MACROD2: variants seen among roughly 807,000 people sequenced by gnomAD.
MACROD2 encodes the protein mono-ADP ribosylhydrolase 2.
In MACROD2, 36 loss-of-function variants were observed where a neutral mutation model predicts 70.4. The ratio of observed to expected loss-of-function variants is 0.51; its 90% CI spans 0.39 to 0.68. The LOEUF (loss-of-function observed/expected upper bound fraction) is 0.68. Among genes scored for constraint, MACROD2 ranks in the 30% least tolerant of loss-of-function variants. MACROD2 has a pLI of 0.00. For synonymous variants in MACROD2, 172 were observed against 178.8 expected (o/e 0.96, Z 0.30); for missense variants, 496 against 538.4 (o/e 0.92, Z 0.78).
chr20:15,711,311 G>T (rs1240443076), intron 8 of MACROD2, among the ~76,000 whole-genome samples: 1 of 152,172 alleles, frequency 6.6e-6, no homozygotes. Context: ...TTCTTATCTC[G>T]TGGTATGTTA....
At chr20:14,615,447 A>G (rs1983421168) in intron 4 of MACROD2, among the ~76,000 whole-genome samples, 1 of 152,138 alleles carries the variant, frequency 6.6e-6, no homozygotes, top group Non-Finnish European at 1.5e-5. Context: ...GGGGAGGATA[A>G]GAGTTAGGGT....
At chr20:14,181,424 A>T (rs1310899060) in intron 3 of MACROD2, among the ~76,000 whole-genome samples, 2 of 152,030 alleles carry the variant, frequency 1.3e-5, no homozygotes, top group East Asian at 3.9e-4. Flanking sequence ...ATGATGGGGA[A>T]CCATCATTTT....
intron 6 of MACROD2, among the ~76,000 whole-genome samples, chr20:15,284,091 TATA>T (rs924660449): frequency 9.2e-4 from 140 of 152,314 alleles, no homozygotes; most frequent in African/African-American, 3.1e-3. Context: ...TTTTCCTTGA[TATA>T]ATAAGTTATT....
At chr20:14,943,913 C>T (rs998968585) in intron 5 of MACROD2, among the ~76,000 whole-genome samples, 1 of 152,096 alleles carries the variant, frequency 6.6e-6, no homozygotes. Context: ...ACTTTTGTTA[C>T]AAGAGGATAT....
intron 9 of MACROD2, among the ~76,000 whole-genome samples, chr20:15,881,035 T>C (rs192359382): frequency 1.6e-4 from 24 of 152,242 alleles, no homozygotes; most frequent in Non-Finnish European, 3.1e-4. Flanking sequence ...TCTTCTCTGT[T>C]GTTTTGCTTT....
At chr20:15,960,808 T>G (rs191764871) in intron 12 of MACROD2, among the ~76,000 whole-genome samples, 105 of 152,230 alleles carry the variant, frequency 6.9e-4, no homozygotes, top group Non-Finnish European at 1.1e-3. Flanking sequence ...ACTGGCACCA[T>G]CGGCTCCAAC....
chr20:15,487,656 T>G (rs1408676665), intron 7 of MACROD2, among the ~76,000 whole-genome samples: 2 of 152,046 alleles, frequency 1.3e-5, no homozygotes, highest in South Asian at 2.1e-4. Flanking sequence ...GAACTCAGAA[T>G]AGAGTGTCAT....
intron 5 of MACROD2, among the ~76,000 whole-genome samples, chr20:14,724,049 A>G (rs2071500296): frequency 6.6e-6 from 1 of 152,188 alleles, no homozygotes; most frequent in Admixed American, 6.5e-5. Context: ...TCTACATAGC[A>G]TAAAAATTAA....
intron 4 of MACROD2, among the ~76,000 whole-genome samples, chr20:14,496,733 T>C (rs2084857426): frequency 6.7e-6 from 1 of 148,730 alleles, no homozygotes; most frequent in African/African-American, 2.6e-5. Flanking sequence ...CTTCTGTTCA[T>C]AGTTTCTAGA....
chr20:14,646,598 GTCTT>G (rs1415391956), intron 4 of MACROD2, among the ~76,000 whole-genome samples: 2 of 151,868 alleles, frequency 1.3e-5, no homozygotes, highest in East Asian at 1.9e-4. Flanking sequence ...AAAAAAATTG[GTCTT>G]TCTTCTGATA....
At chr20:14,669,737 C>T (rs1431744239) in intron 4 of MACROD2, among the ~76,000 whole-genome samples, 4 of 151,962 alleles carry the variant, frequency 2.6e-5, no homozygotes, top group South Asian at 2.1e-4. Flanking sequence ...TAAGTTGGTT[C>T]GTTTCTTATT....
chr20:15,724,811 G>T (rs1204077016), intron 8 of MACROD2, among the ~76,000 whole-genome samples: 1 of 152,052 alleles, frequency 6.6e-6, no homozygotes, highest in Non-Finnish European at 1.5e-5. Context: ...GGCCAGGCAC[G>T]GTGGCTCACA....
Position 15,118,261 on chromosome 20 carries a change from C to T in MACROD2, c.419-111679C>T, listed in dbSNP as rs536437985. Among the ~76,000 whole-genome samples, 13 of 146,996 alleles carry T rather than the reference C, an allele frequency of 8.8e-5. No homozygotes were observed. The East Asian group carries it at 2.0e-3, about 23-fold the overall frequency. On this transcript the variant is annotated intron_variant, in intron 5 of 17. Transcript: ENST00000684519. The stretch of plus-strand genomic sequence containing the variant: ...AGGCTGGAGTGCAGTGTTGTGATCT[C>T]GGCTCACTGCAACCTCCACCTACCA...
chr20:14,176,724 T>C (rs1224167510), intron 3 of MACROD2, among the ~76,000 whole-genome samples: 2 of 152,218 alleles, frequency 1.3e-5, no homozygotes, highest in Non-Finnish European at 2.9e-5. Flanking sequence ...AGAAATGTTA[T>C]GCTCTTCATT....
chr20:14,924,848 CAT>C (rs2074209550), intron 5 of MACROD2, among the ~76,000 whole-genome samples: 1 of 152,112 alleles, frequency 6.6e-6, no homozygotes. Context: ...ATCATTAAAA[CAT>C]ATTAAAAACA....
intron 3 of MACROD2, among the ~76,000 whole-genome samples, chr20:14,321,941 G>A (rs1426142733): frequency 6.6e-6 from 1 of 151,194 alleles, no homozygotes; most frequent in East Asian, 1.9e-4. Context: ...ATTTAGCAAG[G>A]GAGTAATTTT....
chr20:15,585,388 G>A (rs1470941727), intron 8 of MACROD2, among the ~76,000 whole-genome samples: 2 of 152,024 alleles, frequency 1.3e-5, no homozygotes, highest in South Asian at 2.1e-4. Flanking sequence ...AGTAGAGACA[G>A]GATTTTACCA....
At chr20:15,185,216 A>G (rs1241803170) in intron 5 of MACROD2, among the ~76,000 whole-genome samples, 5 of 152,208 alleles carry the variant, frequency 3.3e-5, no homozygotes, top group African/African-American at 9.6e-5. Flanking sequence ...GTTTCTGATG[A>G]AAAGGGAATA....
At chr20:15,700,839 T>C (rs1345690602) in intron 8 of MACROD2, among the ~76,000 whole-genome samples, 1 of 152,224 alleles carries the variant, frequency 6.6e-6, no homozygotes, top group Non-Finnish European at 1.5e-5. Context: ...TTATATATGA[T>C]TGTAATAGAG....
Sources: gnomAD v4.1 joint callset for allele counts (sites outside exome capture counted in the v4.1 genomes callset) on GRCh38, gnomAD v4.1.1 for gene constraint, MANE v1.5 for transcripts, NCBI Gene and HGNC (gene_info 2026-07-23, HGNC 2026-07-21) for gene names.